BRAF: variants seen among roughly 807,000 people sequenced by gnomAD.
BRAF encodes serine/threonine-protein kinase B-raf.
Under a neutral mutation model 104.6 loss-of-function variants are expected in BRAF, and 16 were observed. That is an observed-to-expected ratio of 0.15 (90% CI 0.10 to 0.23). The LOEUF (loss-of-function observed/expected upper bound fraction) is 0.23, where lower values mean the gene tolerates loss of function less well. BRAF is among the 10% of genes least tolerant of loss of function. The pLI is 1.00. For synonymous variants in BRAF, 310 were observed against 341.6 expected, an observed-to-expected ratio of 0.91 and a Z score of 1.02; for missense variants, 541 against 937.3, an observed-to-expected ratio of 0.58 and a Z score of 5.52.
intron 1 of BRAF, among the ~76,000 whole-genome samples, chr7:140,922,726 T>C (rs1818359912): frequency 6.6e-6 from 1 of 152,176 alleles, no homozygotes; most frequent in East Asian, 1.9e-4. Context: ...CCCCTAGTAT[T>C]TATCCATTAA....
chr7:140,725,131 A>G lies in BRAF; in HGVS notation c.*1363T>C, dbSNP rs1020653597. On this transcript the variant is annotated 3_prime_UTR_variant, in exon 20 of 20. Transcript: ENST00000644969. Reference sequence around the variant, plus strand: ...AGACCAGGCTTGGGAAAAAAGGAAGAAGGAGAATGAATGGAGACGCCACCA... The same window carrying G: ...AGACCAGGCTTGGGAAAAAAGGAAGGAGGAGAATGAATGGAGACGCCACCA... The G allele has an allele frequency of 1.6e-5, 17 of 1,041,780 alleles. No homozygotes were observed. The highest frequency in any genetic ancestry group is 1.3e-4 in the African/African-American group (8 of 59,736). The allele number at this position is 1,041,780 out of a possible 1,614,324, so 64.5% of individuals were successfully genotyped here. A position where few individuals can be genotyped will look rare whatever the true frequency, so the allele number is the denominator to read the frequency against.
intron 3 of BRAF, 79 bp downstream of exon 3, chr7:140,834,530 T>C (rs963482815): frequency 1.2e-5 from 18 of 1,560,706 alleles, no homozygotes; most frequent in Admixed American, 3.3e-5. Flanking sequence ...TATGAAGTAA[T>C]AATATATTAA....
chr7:140,915,793 T>A (rs1206640551), intron 1 of BRAF, among the ~76,000 whole-genome samples: 2 of 151,940 alleles, frequency 1.3e-5, no homozygotes, highest in Admixed American at 1.3e-4. Flanking sequence ...AACAGATTAA[T>A]TTTGGAACAA....
chr7:140,867,599 C>T (rs1011297558), intron 1 of BRAF, among the ~76,000 whole-genome samples: 3 of 151,482 alleles, frequency 2.0e-5, no homozygotes, highest in African/African-American at 7.3e-5. Flanking sequence ...TGAGCAGGAT[C>T]GGGGTGGGTG....
chr7:140,861,023 T>C (rs774789763), intron 1 of BRAF, among the ~76,000 whole-genome samples: 19 of 152,166 alleles, frequency 1.2e-4, no homozygotes, highest in Non-Finnish European at 2.6e-4. Context: ...TCAACATGAA[T>C]ACATCTCAAA....
chr7:140,769,559 G>A (rs1799642823), intron 14 of BRAF, among the ~76,000 whole-genome samples: 1 of 152,106 alleles, frequency 6.6e-6, no homozygotes, highest in Non-Finnish European at 1.5e-5. Context: ...GCTGCAGCTT[G>A]CTTTTCTCAC....
chr7:140,811,615 G>T (rs10236260), intron 3 of BRAF, among the ~76,000 whole-genome samples: 4,225 of 152,202 alleles, frequency 0.028, 205 homozygotes, highest in African/African-American at 0.095. Context: ...GTTTTGTGGG[G>T]ACTGCAAAGT....
intron 3 of BRAF, among the ~76,000 whole-genome samples, chr7:140,833,640 T>TA (rs1376285402): frequency 6.6e-6 from 1 of 152,208 alleles, no homozygotes; most frequent in Non-Finnish European, 1.5e-5. Flanking sequence ...AATGAAAAAT[T>TA]AGAGTCTATT....
chr7:140,765,434 C>A (rs904858690), intron 14 of BRAF, among the ~76,000 whole-genome samples: 7 of 152,058 alleles, frequency 4.6e-5, no homozygotes, highest in East Asian at 1.9e-4. Flanking sequence ...GCAACAAAAG[C>A]CAAAATGGAC....
At chr7:140,778,614 G>C (rs1196801060) in intron 12 of BRAF, among the ~76,000 whole-genome samples, 3 of 151,588 alleles carry the variant, frequency 2.0e-5, no homozygotes, top group Non-Finnish European at 2.9e-5. Flanking sequence ...GAGTTAATGG[G>C]TGCAGCACAC....
Position 140,723,981 on chromosome 7 carries a change from G to C in BRAF, c.*2513C>G. The C allele has an allele frequency of 9.6e-7, 1 of 1,041,302 alleles. No individual in the cohort carries two copies. Among genetic ancestry groups the C allele is most frequent in the Non-Finnish European group, 1.2e-6 (1 of 863,984 alleles). The allele number at this position is 1,041,302 out of a possible 1,614,324, so 64.5% of individuals were successfully genotyped here. A position where few individuals can be genotyped will look rare whatever the true frequency, so the allele number is the denominator to read the frequency against. On this transcript the variant is annotated 3_prime_UTR_variant, in exon 20 of 20. Transcript: ENST00000644969. Reference sequence around the variant, plus strand: ...AGAAAAAACCTATTTCATAGAAAAAGGAAGAAAAGAGAGGTTTAAATATTT... The same window carrying C: ...AGAAAAAACCTATTTCATAGAAAAACGAAGAAAAGAGAGGTTTAAATATTT...
At chr7:140,871,167 G>C (rs549161557) in intron 1 of BRAF, among the ~76,000 whole-genome samples, 1 of 145,422 alleles carries the variant, frequency 6.9e-6, no homozygotes, top group African/African-American at 2.5e-5. Context: ...GCGTGAATCC[G>C]GGAGGCGGAG....
At chr7:140,713,448 G>T in the BRAF span, among the ~76,000 whole-genome samples, 1 of 151,856 alleles carries the variant, frequency 6.6e-6, no homozygotes, top group Non-Finnish European at 1.5e-5. Context: ...TCGTGCCTTG[G>T]TTTTCAGCTC....
In BRAF at chr7:140,734,762, G is replaced by A. The variant is rs377165711; in HGVS notation, c.2256C>T (p.Ala752=). 111 of 1,429,086 alleles carry A rather than the reference G, an allele frequency of 7.8e-5. No homozygotes were observed. The highest frequency in any genetic ancestry group is 1.0e-4 in the Non-Finnish European group (110 of 1,094,672). The allele number at this position is 1,429,086 out of a possible 1,614,324, so 88.5% of individuals were successfully genotyped here. A position where few individuals can be genotyped will look rare whatever the true frequency, so the allele number is the denominator to read the frequency against. Residue 752 remains alanine, a synonymous_variant, in exon 19 of 20, where the codon GCC becomes GCT. Coordinates refer to ENST00000644969, the MANE Select transcript of BRAF (RefSeq NM_001374258.1). ...DERPLFPQIL[A]SIELLARSLP... ...ATGAGCGGGCCAGCAGCTCAATAGA[G>A]GCGAGAATCTACAAAAAAAAAAAGA... is the stretch of plus-strand genomic sequence containing the variant.
intron 5 of BRAF, among the ~76,000 whole-genome samples, chr7:140,807,693 C>T (rs1030699942): frequency 6.6e-6 from 1 of 152,034 alleles, no homozygotes; most frequent in African/African-American, 2.4e-5. Flanking sequence ...GGTATTTTCA[C>T]TTTTTTTACT....
intron 1 of BRAF, among the ~76,000 whole-genome samples, chr7:140,892,510 G>C (rs1294273847): frequency 6.6e-6 from 1 of 152,144 alleles, no homozygotes; most frequent in African/African-American, 2.4e-5. Flanking sequence ...GTTAGACAAG[G>C]AGGAACATTT....
intron 14 of BRAF, among the ~76,000 whole-genome samples, chr7:140,772,378 T>C (rs891799215): frequency 2.0e-5 from 3 of 152,224 alleles, no homozygotes; most frequent in East Asian, 3.9e-4. Flanking sequence ...GTCCCAGCAC[T>C]GTGGGAGGCG....
At chr7:140,908,902 CTTAT>C (rs1213050322) in intron 1 of BRAF, among the ~76,000 whole-genome samples, 2 of 138,320 alleles carry the variant, frequency 1.4e-5, no homozygotes, top group East Asian at 2.2e-4. Flanking sequence ...ACTTCATCCA[CTTAT>C]TTATTTGGAT....
chr7:140,751,298 CA>C (rs1797768138), intron 16 of BRAF, among the ~76,000 whole-genome samples: 1 of 151,894 alleles, frequency 6.6e-6, no homozygotes, highest in African/African-American at 2.4e-5. Context: ...CCCACATAGT[CA>C]AAAATTAACA....
Sources: allele counts gnomAD v4.1 joint callset (sites outside exome capture counted in the v4.1 genomes callset), GRCh38; gene constraint gnomAD v4.1.1; transcripts MANE v1.5; gene names NCBI Gene and HGNC (gene_info 2026-07-23, HGNC 2026-07-21).